Variants in CACNA2D3 observed in about 807,000 individuals in gnomAD.
The protein encoded by CACNA2D3 is voltage-dependent calcium channel subunit alpha-2/delta-3.
Under a neutral mutation model 160.6 loss-of-function variants are expected in CACNA2D3, and 60 were observed. That is an observed-to-expected ratio of 0.37 (90% confidence interval 0.30 to 0.46). CACNA2D3 has a LOEUF of 0.46. Ranked by LOEUF, CACNA2D3 falls within the 20% of genes least tolerant of loss-of-function variation. CACNA2D3 has a pLI of 1.00. For missense variants in CACNA2D3, 1,205 were observed against 1,365.0 expected (o/e 0.88, Z 1.85); for synonymous variants, 558 against 492.9 (o/e 1.13, Z -1.75).
rs367981005 is a variant in CACNA2D3, at chr3:54,951,530, G to A, written c.2450-16920G>A. 1.6e-3 allele frequency among the ~76,000 whole-genome samples: 248 copies of A among 152,328 alleles called. 1 individual carries two copies. The highest frequency in any genetic ancestry group is 5.3e-3 in the Admixed American group (81 of 15,304). On this transcript the variant is annotated intron_variant, in intron 27 of 37. Transcript: ENST00000474759. ...GATTTCAGTTACTGTGAACTTTGAA[G>A]CATCTCTACAGACTTCCAGAACAGA... is the stretch of plus-strand genomic sequence containing the variant.
At chr3:55,023,286 T>C in intron 35 of CACNA2D3, among the ~76,000 whole-genome samples, 1 of 152,316 alleles carries the variant, frequency 6.6e-6, no homozygotes, top group Middle Eastern at 3.4e-3. Flanking sequence ...TGATTCCAGA[T>C]ATAAATTCAT....
chr3:54,851,372 A>AGAC (rs1397517827), intron 17 of CACNA2D3, among the ~76,000 whole-genome samples: 8 of 152,174 alleles, frequency 5.3e-5, no homozygotes, highest in Admixed American at 4.6e-4. Context: ...CTTCTCTAAG[A>AGAC]TGAAGGTAAA....
chr3:54,942,893 A>AC (rs1477143262), intron 27 of CACNA2D3, among the ~76,000 whole-genome samples: 2 of 152,076 alleles, frequency 1.3e-5, no homozygotes, highest in Non-Finnish European at 2.9e-5. Flanking sequence ...GCGCGGTGGC[A>AC]CGTGCCTGTA....
rs1441655872 is a variant in CACNA2D3 at position 55,004,712 on chromosome 3, G to A, written c.2691-51G>A. ...ACCTTGTAGTACATAGCATCAATTG[G>A]TTCCCGTGTTTTCTCATTTAGTGAA... On this transcript the variant is annotated intron_variant, in intron 31 of 37. Transcript: ENST00000474759. 6.4e-6 allele frequency: 8 copies of A among 1,253,654 alleles called. No individual in the cohort carries two copies. In the South Asian group the frequency reaches 8.4e-5, roughly 13 times the overall value. The allele number at this position is 1,253,654 out of a possible 1,614,324, so 77.7% of individuals were successfully genotyped here. A position where few individuals can be genotyped will look rare whatever the true frequency, so the allele number is the denominator to read the frequency against.
intron 4 of CACNA2D3, among the ~76,000 whole-genome samples, chr3:54,475,865 C>G (rs1700821680): frequency 1.2e-5 from 1 of 84,600 alleles, no homozygotes; most frequent in Non-Finnish European, 2.4e-5. Context: ...CACTGAAGAT[C>G]TACTCTCAAC....
At chr3:54,233,073 G>A (rs1254042419) in intron 2 of CACNA2D3, among the ~76,000 whole-genome samples, 1 of 152,190 alleles carries the variant, frequency 6.6e-6, no homozygotes, top group African/African-American at 2.4e-5. Flanking sequence ...GAGTGGTTGG[G>A]TGTGTTCAGG....
chr3:54,654,659 G>T (rs912227325), intron 11 of CACNA2D3, among the ~76,000 whole-genome samples: 3 of 152,164 alleles, frequency 2.0e-5, no homozygotes, highest in Non-Finnish European at 2.9e-5. Flanking sequence ...CGGCGGGCAA[G>T]TGCTAAGGTC....
chr3:54,502,302 C>A (rs1701307505), intron 4 of CACNA2D3, among the ~76,000 whole-genome samples: 1 of 152,146 alleles, frequency 6.6e-6, no homozygotes, highest in Non-Finnish European at 1.5e-5. Flanking sequence ...CTTGGATATT[C>A]TGTTCCCTTT....
At chr3:55,033,584 G>A (rs772663) in intron 35 of CACNA2D3, among the ~76,000 whole-genome samples, 39,229 of 111,058 alleles carry the variant, frequency 0.35, 6,267 homozygotes, top group East Asian at 0.54. Flanking sequence ...ATGTGTGTGT[G>A]TATATATATA....
At chr3:54,735,943 A>G (rs1489120019) in intron 11 of CACNA2D3, among the ~76,000 whole-genome samples, 1 of 135,896 alleles carries the variant, frequency 7.4e-6, no homozygotes. Flanking sequence ...GGTACTAGAC[A>G]CTTTTTGCAT....
Position 54,354,808 on chromosome 3 carries a change from C to G in CACNA2D3, c.322-31907C>G, listed in dbSNP as rs140325515. Among the ~76,000 whole-genome samples the G allele has an allele frequency of 1.5e-4, 23 of 152,270 alleles. No individual in the cohort carries two copies. In the East Asian group the frequency reaches 4.3e-3, roughly 28 times the overall value. On this transcript the variant is annotated intron_variant, in intron 3 of 37. Transcript: ENST00000474759. ...AGTGGGATTCCAGCGTTTACTGATA[C>G]ATATCTTTTGTACAGCACAGTCTCT...
chr3:54,500,124 C>G (rs1370607107), intron 4 of CACNA2D3, among the ~76,000 whole-genome samples: 1 of 152,132 alleles, frequency 6.6e-6, no homozygotes, highest in Non-Finnish European at 1.5e-5. Context: ...GAGAATTAAC[C>G]TCTTTATCAT....
intron 5 of CACNA2D3, among the ~76,000 whole-genome samples, chr3:54,534,398 G>A (rs1439155189): frequency 6.6e-6 from 1 of 152,028 alleles, no homozygotes; most frequent in Non-Finnish European, 1.5e-5. Flanking sequence ...GAGCTTCCCT[G>A]CCCTCCTGCC....
intron 13 of CACNA2D3, among the ~76,000 whole-genome samples, chr3:54,813,596 C>G (rs1278118887): frequency 6.6e-6 from 1 of 152,138 alleles, no homozygotes; most frequent in African/African-American, 2.4e-5. Flanking sequence ...TTATCTTTCC[C>G]TGGCATCAAC....
intron 13 of CACNA2D3, among the ~76,000 whole-genome samples, chr3:54,782,566 T>C (rs988318625): frequency 2.0e-5 from 3 of 152,210 alleles, no homozygotes; most frequent in Admixed American, 2.0e-4. Flanking sequence ...GGGAAAAGAC[T>C]GGGCCATGCA....
At chr3:54,354,661 G>T (rs928545730) in intron 3 of CACNA2D3, among the ~76,000 whole-genome samples, 1 of 152,304 alleles carries the variant, frequency 6.6e-6, no homozygotes, top group Non-Finnish European at 1.5e-5. Context: ...CAGGCAAAAT[G>T]ATTTAACTAT....
In CACNA2D3 at chr3:54,965,616, C is replaced by T. The variant is rs144961882; in HGVS notation, c.2450-2834C>T. On this transcript the variant is annotated intron_variant, in intron 27 of 37. Coordinates refer to ENST00000474759, the MANE Select transcript of CACNA2D3 (RefSeq NM_018398.3). ...GCTTAGTACTCACTGAACAAATGGTCGTGAAGTTGATCCATCAATGAAATT... is the reference window on the plus strand; with the variant it reads ...GCTTAGTACTCACTGAACAAATGGTTGTGAAGTTGATCCATCAATGAAATT... Among the ~76,000 whole-genome samples, 7 of 151,602 alleles carry T rather than the reference C, an allele frequency of 4.6e-5. No individual in the cohort carries two copies. The East Asian group carries it at 5.9e-4, about 13-fold the overall frequency.
At chr3:54,377,740 A>G (rs536142022) in intron 3 of CACNA2D3, among the ~76,000 whole-genome samples, 74 of 152,346 alleles carry the variant, frequency 4.9e-4, no homozygotes, top group Non-Finnish European at 9.3e-4. Flanking sequence ...CTACTGTAAC[A>G]AAATGTACCC....
intron 19 of CACNA2D3, 88 bp downstream of exon 19, chr3:54,879,177 T>A (rs1031123202): frequency 5.3e-6 from 5 of 948,516 alleles, no homozygotes; most frequent in African/African-American, 1.7e-5. Context: ...GGAATAAATA[T>A]CTTTCGCTGA....
Sources: gnomAD v4.1 joint callset for allele counts (sites outside exome capture counted in the v4.1 genomes callset) on GRCh38, gnomAD v4.1.1 for gene constraint, MANE v1.5 for transcripts, NCBI Gene and HGNC (gene_info 2026-07-23, HGNC 2026-07-21) for gene names.